PIKFYVE: variants seen among roughly 807,000 people sequenced by gnomAD.
The protein encoded by PIKFYVE is 1-phosphatidylinositol 3-phosphate 5-kinase.
Under a neutral mutation model 257.9 loss-of-function variants are expected in PIKFYVE, and 122 were observed. The ratio of observed to expected loss-of-function variants is 0.47; its 90% confidence interval spans 0.41 to 0.55. The LOEUF is 0.55. Among genes scored for constraint, PIKFYVE ranks in the 20% least tolerant of loss-of-function variants. The pLI is 0.00. For missense variants in PIKFYVE, 2,160 were observed against 2,536.6 expected, an observed-to-expected ratio of 0.85 and a Z score of 3.19; for synonymous variants, 892 against 868.9, an observed-to-expected ratio of 1.03 and a Z score of -0.47.
chr2:208,277,641 A>G lies in PIKFYVE; in HGVS notation c.546A>G (p.Leu182=), dbSNP rs1306879314. 2 of 1,613,938 alleles carry G rather than the reference A, an allele frequency of 1.2e-6. No homozygotes were observed. The highest frequency in any genetic ancestry group is 1.7e-6 in the Non-Finnish European group (2 of 1,179,812). The part of the protein sequence containing the change: ...TTFRRRHHCR[L]CGQIFCSRCC... ...TTAGGCGCAGACACCATTGCCGACT[A>G]TGTGGGCAGATTTTCTGCAGTCGTT... Residue 182 remains leucine, a synonymous_variant, in exon 5 of 42, where the codon CTA becomes CTG. Coordinates refer to ENST00000264380, the MANE Select transcript of PIKFYVE (RefSeq NM_015040.4).
At chr2:208,324,627 A>G (rs1450230424) in intron 18 of PIKFYVE, among the ~76,000 whole-genome samples, 1 of 152,148 alleles carries the variant, frequency 6.6e-6, no homozygotes, top group African/African-American at 2.4e-5. Flanking sequence ...AACAGGGGCC[A>G]ATTCTAGGAA....
intron 7 of PIKFYVE, among the ~76,000 whole-genome samples, chr2:208,291,180 T>C (rs1692265085): frequency 6.6e-6 from 1 of 152,128 alleles, no homozygotes; most frequent in South Asian, 2.1e-4. Context: ...TTTCCTCTAT[T>C]CCTAGTTTAC....
chr2:208,286,687 A>ATT (rs779100232), intron 6 of PIKFYVE, among the ~76,000 whole-genome samples: 1 of 140,342 alleles, frequency 7.1e-6, no homozygotes, highest in African/African-American at 2.6e-5. Context: ...TGCTTGGCTG[A>ATT]TTTTTTTTTT....
chr2:208,327,065 G>C (rs1167571112), intron 20 of PIKFYVE, among the ~76,000 whole-genome samples: 1 of 152,134 alleles, frequency 6.6e-6, no homozygotes, highest in Non-Finnish European at 1.5e-5. Context: ...CAGTAGTCAA[G>C]GAAGTGCTAA....
intron 31 of PIKFYVE, among the ~76,000 whole-genome samples, chr2:208,341,301 CT>C (rs534893210): frequency 7.3e-5 from 11 of 149,732 alleles, no homozygotes; most frequent in South Asian, 2.1e-4. Context: ...GCCCTTTAAA[CT>C]TTTTTTTTTA....
chr2:208,340,862 C>T (rs1698628709), intron 31 of PIKFYVE, among the ~76,000 whole-genome samples: 1 of 152,124 alleles, frequency 6.6e-6, no homozygotes, highest in African/African-American at 2.4e-5. Context: ...GCTCACAGTA[C>T]AGTATGTGAT....
At chr2:208,334,330 G>A (rs1185823406) in intron 24 of PIKFYVE, 1 of 152,518 alleles carries the variant, frequency 6.6e-6, no homozygotes, top group East Asian at 1.9e-4. Context: ...CTCTGCTCTA[G>A]ACACTCCAAA....
At chr2:208,331,706 G>A (rs2125640733) in intron 23 of PIKFYVE, among the ~76,000 whole-genome samples, 1 of 152,198 alleles carries the variant, frequency 6.6e-6, no homozygotes, top group Non-Finnish European at 1.5e-5. Flanking sequence ...TGTGCTTTTG[G>A]AAGGCACATA....
In PIKFYVE at chr2:208,324,216, A is replaced by C; in HGVS notation, c.2265A>C (p.Thr755=). The stretch of plus-strand genomic sequence containing the variant: ...CCACCTTGGTTCTTGTTGAGAAAAC[A>C]GTGTCTCGGATTGCCCAGGACATGT... ...VRPTLVLVEK[T]VSRIAQDMLL... is the part of the protein sequence containing the mutation. The change falls in exon 18 of 42, where the codon ACA becomes ACC. Residue 755 remains threonine (T), a synonymous_variant. Transcript: ENST00000264380. 5 of 1,613,982 alleles carry C rather than the reference A, an allele frequency of 3.1e-6. No individual in the cohort carries two copies. Among genetic ancestry groups the C allele is most frequent in the Non-Finnish European group, 4.2e-6 (5 of 1,179,876 alleles).
chr2:208,283,572 A>C (rs1189641663), intron 5 of PIKFYVE, among the ~76,000 whole-genome samples: 1 of 149,538 alleles, frequency 6.7e-6, no homozygotes, highest in African/African-American at 2.5e-5. Context: ...GAGTAATTTC[A>C]CTTCTTTTGT....
chr2:208,289,355 T>C (rs570043394), intron 7 of PIKFYVE, among the ~76,000 whole-genome samples: 1 of 152,226 alleles, frequency 6.6e-6, no homozygotes, highest in Non-Finnish European at 1.5e-5. Flanking sequence ...TATATCTTCA[T>C]GTATTTTTCA....
At chr2:208,326,800 T>C (rs1696975787) in intron 20 of PIKFYVE, among the ~76,000 whole-genome samples, 1 of 152,208 alleles carries the variant, frequency 6.6e-6, no homozygotes, top group Admixed American at 6.5e-5. Context: ...GAAATAGATG[T>C]GTTTTTTTAA....
Position 208,342,420 on chromosome 2 carries a change from C to T in PIKFYVE, c.4932-134C>T, listed in dbSNP as rs1665777713. 5 of 686,060 alleles carry T rather than the reference C, an allele frequency of 7.3e-6. No individual in the cohort carries two copies. In the South Asian group the frequency reaches 9.3e-5, roughly 13 times the overall value. The allele number at this position is 686,060 out of a possible 1,614,324, so 42.5% of individuals were successfully genotyped here. ...ATTCTGATAATTTTCTAATTGCCTTCAAAAACTTTCTCTTGAAATCTTTTT... is the reference window on the plus strand; with the variant it reads ...ATTCTGATAATTTTCTAATTGCCTTTAAAAACTTTCTCTTGAAATCTTTTT... On this transcript the variant is annotated intron_variant, in intron 31 of 41. Transcript: ENST00000264380.
intron 38 of PIKFYVE, among the ~76,000 whole-genome samples, chr2:208,351,822 G>A (rs184053179): frequency 1.1e-3 from 162 of 152,246 alleles, no homozygotes; most frequent in African/African-American, 3.7e-3. Flanking sequence ...CTGCAAGGAC[G>A]GCACCAAGCC....
At chr2:208,319,093 C>G (rs1249794484) in intron 16 of PIKFYVE, among the ~76,000 whole-genome samples, 2 of 151,982 alleles carry the variant, frequency 1.3e-5, no homozygotes, top group Admixed American at 6.6e-5. Context: ...ACATTCAAAA[C>G]AGAGATACCC....
chr2:208,276,893 A>G (rs902092248), intron 4 of PIKFYVE, 63 bp downstream of exon 4: 2 of 1,360,066 alleles, frequency 1.5e-6, no homozygotes, highest in African/African-American at 2.9e-5. Context: ...GCCATACCTA[A>G]TGAAAATGGC....
intron 3 of PIKFYVE, chr2:208,274,183 T>C: frequency 9.9e-7 from 1 of 1,005,634 alleles, no homozygotes; most frequent in Non-Finnish European, 1.5e-6. Flanking sequence ...TGGCCTTCTG[T>C]CCTTGTTGGG....
intron 38 of PIKFYVE, 116 bp downstream of exon 38, chr2:208,351,571 T>C: frequency 1.1e-6 from 1 of 922,370 alleles, no homozygotes; most frequent in Non-Finnish European, 1.8e-6. Context: ...GCTGGGTAAT[T>C]TGTAAAGAAA....
rs746981062 is a variant in PIKFYVE, at chr2:208,336,943, C to T, written c.4611+15C>T. On this transcript the variant is annotated intron_variant, in intron 28 of 41. Transcript: ENST00000264380. ...AAGAAAGCAAGGTATGAAATGTAGT[C>T]TTGTCTTTGGTCCTTAATCAATAGA... The T allele has an allele frequency of 6.3e-7, 1 of 1,578,638 alleles. No homozygotes were observed. The highest frequency in any genetic ancestry group is 1.3e-5 in the African/African-American group (1 of 74,150).
Sources: gnomAD v4.1 joint callset for allele counts (sites outside exome capture counted in the v4.1 genomes callset) on GRCh38, gnomAD v4.1.1 for gene constraint, MANE v1.5 for transcripts, NCBI Gene and HGNC (gene_info 2026-07-23, HGNC 2026-07-21) for gene names.